Variants in CCNY observed in about 807,000 individuals in gnomAD.
CCNY encodes cyclin-Y.
CCNY carries 19 observed loss-of-function variants against 42.8 expected under a neutral mutation model. The ratio of observed to expected loss-of-function variants is 0.44; its 90% CI spans 0.31 to 0.65. The LOEUF is 0.65. Ranked by LOEUF, CCNY falls within the 30% of genes least tolerant of loss-of-function variation. The probability of loss-of-function intolerance (pLI) is 0.07; values close to 1 mark genes in which losing one functional copy is unlikely to be tolerated. For synonymous variants in CCNY, 165 were observed against 162.7 expected (o/e 1.01, Z -0.11); for missense variants, 370 against 437.3 (o/e 0.85, Z 1.37).
chr10:35,286,147 G>A (rs1406220868), intron 3 of CCNY, among the ~76,000 whole-genome samples: 1 of 151,934 alleles, frequency 6.6e-6, no homozygotes, highest in Non-Finnish European at 1.5e-5. Context: ...CTTGTTTTCT[G>A]TTTGTTCCCT....
intron 1 of CCNY, among the ~76,000 whole-genome samples, chr10:35,424,242 T>A (rs1265060765): frequency 6.6e-6 from 1 of 152,246 alleles, no homozygotes; most frequent in African/African-American, 2.4e-5. Context: ...TCTTTTCTTT[T>A]TGAGACGGAG....
chr10:35,418,255 TC>T (rs1838069555), intron 1 of CCNY, among the ~76,000 whole-genome samples: 1 of 152,144 alleles, frequency 6.6e-6, no homozygotes, highest in Admixed American at 6.5e-5. Flanking sequence ...GTGAGCTTTT[TC>T]TACACCAAAT....
At chr10:35,361,104 G>A (rs967264729) in intron 1 of CCNY, among the ~76,000 whole-genome samples, 5 of 152,084 alleles carry the variant, frequency 3.3e-5, no homozygotes, top group Admixed American at 6.5e-5. Flanking sequence ...TGATCCCCCC[G>A]CCTCGGCCTC....
intron 2 of CCNY, among the ~76,000 whole-genome samples, chr10:35,249,960 C>A (rs188924879): frequency 6.6e-6 from 1 of 151,806 alleles, no homozygotes; most frequent in Non-Finnish European, 1.5e-5. Context: ...TTTGGGAGGC[C>A]GAGGCAGGTG....
chr10:35,550,172 C>G (rs1260785693), intron 7 of CCNY, among the ~76,000 whole-genome samples: 1 of 138,126 alleles, frequency 7.2e-6, no homozygotes, highest in African/African-American at 2.8e-5. Flanking sequence ...GTGCTCGTGA[C>G]CCTGCGCTGC....
intron 3 of CCNY, among the ~76,000 whole-genome samples, chr10:35,513,687 T>C (rs1840368091): frequency 6.6e-6 from 1 of 152,296 alleles, no homozygotes; most frequent in African/African-American, 2.4e-5. Flanking sequence ...CCAGGTAACT[T>C]GCCCAGGCCA....
chr10:35,256,768 C>T (rs1177208983), intron 3 of CCNY, among the ~76,000 whole-genome samples: 1 of 151,100 alleles, frequency 6.6e-6, no homozygotes, highest in African/African-American at 2.4e-5. Flanking sequence ...AAAAATTCCA[C>T]TCCTTTATAG....
chr10:35,311,218 T>A (rs1165299349), intron 3 of CCNY, among the ~76,000 whole-genome samples: 1 of 152,090 alleles, frequency 6.6e-6, no homozygotes, highest in African/African-American at 2.4e-5. Flanking sequence ...CTTGAGAGGC[T>A]GAGGCAGGAG....
intron 2 of CCNY, among the ~76,000 whole-genome samples, chr10:35,485,727 A>AAAAAAAAAAAAAC (rs1268913308): frequency 7.0e-6 from 1 of 141,882 alleles, no homozygotes; most frequent in Non-Finnish European, 1.6e-5. Flanking sequence ...TCCGTCTCAA[A>AAAAAAAAAAAAAC]AAAAAAAAAA....
Position 35,555,444 on chromosome 10 carries a change from A to G in CCNY, c.746+2259A>G, listed in dbSNP as rs567815447. Among the ~76,000 whole-genome samples the G allele has an allele frequency of 7.9e-5, 12 of 152,360 alleles. No homozygotes were observed. The East Asian group carries it at 2.3e-3, about 29-fold the overall frequency. ...GTTTAAATTCAAGTCAGTAAAACCC[A>G]ATTACCAGGAATATTTATAATCACA... On this transcript the variant is annotated intron_variant, in intron 8 of 9. Transcript: ENST00000374704.
At chr10:35,436,769 A>T (rs1838542908) in intron 1 of CCNY, among the ~76,000 whole-genome samples, 2 of 151,972 alleles carry the variant, frequency 1.3e-5, no homozygotes, top group Admixed American at 1.3e-4. Flanking sequence ...AAATGAGTTA[A>T]TTTTTTCCTG....
At chr10:35,343,000 CTTT>C (rs112760907) in intron 1 of CCNY, among the ~76,000 whole-genome samples, 9 of 128,296 alleles carry the variant, frequency 7.0e-5, no homozygotes, top group Admixed American at 2.4e-4. Context: ...TCCTGCCTGC[CTTT>C]TTTTTTTTTT....
At chr10:35,398,937 C>A (rs1202431657) in intron 1 of CCNY, among the ~76,000 whole-genome samples, 1 of 152,200 alleles carries the variant, frequency 6.6e-6, no homozygotes, top group African/African-American at 2.4e-5. Context: ...GACAGAGCTG[C>A]CCCTGTGAAG....
chr10:35,293,942 C>T (rs1378559723), intron 3 of CCNY, among the ~76,000 whole-genome samples: 1 of 152,064 alleles, frequency 6.6e-6, no homozygotes, highest in Non-Finnish European at 1.5e-5. Context: ...AGTCACCTGC[C>T]ACCACACTCG....
Position 35,394,891 on chromosome 10 carries a change from C to T in CCNY, c.154+57684C>T, listed in dbSNP as rs996460320. The T allele has an allele frequency of 6.1e-6, 6 of 978,322 alleles. No individual in the cohort carries two copies. The African/African-American group carries it at 1.0e-4, about 17-fold the overall frequency. 60.6% of individuals were successfully genotyped at this position (978,322 alleles called of 1,614,324 possible). ...CCTTCTGAATACTGTGAGTCTGTGC[C>T]TTGGAAAATTAAATGGGAGTATTGT... On this transcript the variant is annotated intron_variant, in intron 1 of 9. Transcript: ENST00000374704.
rs1323493317 is a variant in CCNY at position 35,444,249 on chromosome 10, C to CTTTTTTTTTT, written c.155-39148_155-39139dup. The stretch of plus-strand genomic sequence containing the variant: ...TGTTTCACAGTTAACTGTTTTTTGG[C>CTTTTTTTTTT]TTTTTTTTTTTTTTTTGGAGACGGA... On this transcript the variant is annotated intron_variant, in intron 1 of 9. Transcript: ENST00000374704. Among the ~76,000 whole-genome samples, 317 of 136,508 alleles carry CTTTTTTTTTT rather than the reference C, an allele frequency of 2.3e-3. 5 individuals are homozygous for CTTTTTTTTTT. The highest frequency in any genetic ancestry group is 8.1e-3 in the African/African-American group (299 of 36,712). The allele number at this position is 136,508 out of a possible 152,430, so 89.6% of individuals were successfully genotyped here. A position where few individuals can be genotyped will look rare whatever the true frequency, so the allele number is the denominator to read the frequency against.
chr10:35,496,291 C>T (rs773836795), intron 2 of CCNY, among the ~76,000 whole-genome samples: 6 of 152,218 alleles, frequency 3.9e-5, no homozygotes, highest in Non-Finnish European at 8.8e-5. Flanking sequence ...TCGTTTTATG[C>T]AGATGCCAAG....
intron 1 of CCNY, among the ~76,000 whole-genome samples, chr10:35,389,894 C>T (rs752648712): frequency 6.6e-5 from 10 of 151,484 alleles, no homozygotes; most frequent in Non-Finnish European, 1.2e-4. Flanking sequence ...AAGGCATCGT[C>T]TGATATTGGT....
At chr10:35,475,333 T>C (rs992781437) in intron 1 of CCNY, among the ~76,000 whole-genome samples, 1 of 152,080 alleles carries the variant, frequency 6.6e-6, no homozygotes, top group African/African-American at 2.4e-5. Context: ...AGACACATAA[T>C]TTTCAAATTC....
Sources: gnomAD v4.1 joint callset for allele counts (sites outside exome capture counted in the v4.1 genomes callset) on GRCh38, gnomAD v4.1.1 for gene constraint, MANE v1.5 for transcripts, NCBI Gene and HGNC (gene_info 2026-07-23, HGNC 2026-07-21) for gene names.